The following INAVA variants were observed in gnomAD, a reference collection of about 807,000 sequenced individuals.
INAVA encodes the protein innate immunity activator protein.
In INAVA, 32 loss-of-function variants were observed where a neutral mutation model predicts 55.3. The observed-to-expected ratio is 0.58, with a 90% CI of 0.44 to 0.78. INAVA has a LOEUF of 0.78. Ranked by LOEUF, INAVA falls within the 30% of genes least tolerant of loss-of-function variation. The probability of loss-of-function intolerance (pLI) is 0.00; values close to 1 mark genes in which losing one functional copy is unlikely to be tolerated. For missense variants in INAVA, 756 were observed against 786.4 expected (o/e 0.96, Z 0.46); for synonymous variants, 294 against 329.4 (o/e 0.89, Z 1.16).
chr1:200,908,979 A>C, intron 7 of INAVA, 39 bp downstream of exon 7: 3 of 1,585,288 alleles, frequency 1.9e-6, no homozygotes, highest in South Asian at 2.3e-5. Context: ...AGGGCAGGGC[A>C]GGGAGTCGGT....
chr1:200,903,343 A>T (rs907092133), intron 5 of INAVA, among the ~76,000 whole-genome samples: 2 of 151,652 alleles, frequency 1.3e-5, no homozygotes, highest in Admixed American at 1.3e-4. Flanking sequence ...AATTAGCCAG[A>T]CATGGTGGTG....
At position 200,894,962 on chromosome 1, in the gene INAVA, C is replaced by G. The variant is rs1163215313; in HGVS notation, c.-220C>G. 1 of 985,618 alleles carries G rather than the reference C, an allele frequency of 1.0e-6. No homozygotes were observed. The highest frequency in any genetic ancestry group is 6.1e-5 in the Admixed American group (1 of 16,266). The allele number at this position is 985,618 out of a possible 1,614,324, so 61.1% of individuals were successfully genotyped here. Reference sequence around the variant, plus strand: ...CGAGACGGACGGACGGCCAGCAGCTCCGTCAGCTGGAGAGAGAGCACAGGC... The same window carrying G: ...CGAGACGGACGGACGGCCAGCAGCTGCGTCAGCTGGAGAGAGAGCACAGGC... On this transcript the variant is annotated 5_prime_UTR_variant, in exon 1 of 10. Coordinates refer to ENST00000413687, the MANE Select transcript of INAVA (RefSeq NM_001142569.3).
intron 5 of INAVA, among the ~76,000 whole-genome samples, chr1:200,901,963 C>T (rs1156841078): frequency 6.6e-6 from 1 of 152,144 alleles, no homozygotes; most frequent in East Asian, 1.9e-4. Flanking sequence ...TTGTCCTGAC[C>T]CAAGGCCAGC....
At chr1:200,892,979 T>C (rs1441983210), upstream of INAVA, among the ~76,000 whole-genome samples, 3 of 152,206 alleles carry the variant, frequency 2.0e-5, no homozygotes, top group Non-Finnish European at 4.4e-5. Flanking sequence ...CAGGGATTCT[T>C]AACTGGGTTC....
chr1:200,892,702 T>A (rs1019936359), upstream of INAVA, among the ~76,000 whole-genome samples: 1 of 152,170 alleles, frequency 6.6e-6, no homozygotes, highest in African/African-American at 2.4e-5. Flanking sequence ...CCAGCTGGCC[T>A]CTGGAGTGCC....
chr1:200,894,659 G>A (rs1668302541), upstream of INAVA, among the ~76,000 whole-genome samples: 1 of 152,150 alleles, frequency 6.6e-6, no homozygotes, highest in Admixed American at 6.5e-5. Context: ...GTACCTCACA[G>A]CTCAGAATGT....
At chr1:200,909,089 T>G in intron 7 of INAVA, 135 bp from the exon 8 acceptor site, 1 of 1,300,662 alleles carries the variant, frequency 7.7e-7, no homozygotes, top group Non-Finnish European at 1.0e-6. Context: ...TGAGCCTTGA[T>G]AGTTCCCCAA....
upstream of INAVA, among the ~76,000 whole-genome samples, chr1:200,892,349 G>A (rs1668254088): frequency 6.6e-6 from 1 of 152,134 alleles, no homozygotes; most frequent in Admixed American, 6.6e-5. Flanking sequence ...ATGGTAGGAC[G>A]AGGCCCTTGC....
chr1:200,901,202 C>A (rs1265290750), intron 5 of INAVA, 43 bp downstream of exon 5: 1 of 1,443,650 alleles, frequency 6.9e-7, no homozygotes, highest in Non-Finnish European at 9.1e-7. Flanking sequence ...CTTAAATGAG[C>A]TTTTGAGGGA....
At chr1:200,899,398 TA>T (rs1558228337) in intron 2 of INAVA, 74 bp from the exon 3 acceptor site, 10 of 1,595,344 alleles carry the variant, frequency 6.3e-6, no homozygotes, top group Admixed American at 1.7e-5. Flanking sequence ...TGCATTCCCC[TA>T]GGGGTGGTCA....
rs1342907290 is a variant in INAVA, at chr1:200,899,530, A to T, written c.113A>T (p.Gln38Leu). 2 of 1,613,960 alleles carry T rather than the reference A, an allele frequency of 1.2e-6. No individual in the cohort carries two copies. Among genetic ancestry groups the T allele is most frequent in the East Asian group, 2.2e-5 (1 of 44,852 alleles). Residue 38 changes from glutamine (Q) to leucine (L), a missense_variant, in exon 3 of 10, where the codon CAG becomes CTG. This residue lies in a region of INAVA where 639 missense variants were observed against 624.3 expected (regional missense o/e 1.02). Transcript: ENST00000413687. ...KELTHAVHKQ[Q>L]RALEARLEAC... is the part of the protein sequence containing the mutation. Reference sequence around the variant, plus strand: ...CTGACCCATGCAGTGCACAAGCAGCAGAGGGCCCTGGAAGCGAGGCTGGAG... The same window carrying T: ...CTGACCCATGCAGTGCACAAGCAGCTGAGGGCCCTGGAAGCGAGGCTGGAG...
Position 200,901,050 on chromosome 1 carries a change from G to A in INAVA, c.411G>A (p.Lys137=). The A allele has an allele frequency of 6.5e-7, 1 of 1,546,066 alleles. No homozygotes were observed. The highest frequency in any genetic ancestry group is 8.7e-7 in the Non-Finnish European group (1 of 1,146,550). ...NLSRQARRQR[K]HSMLQEEKKL... ...GCAGGCAGGCTCGGCGGCAGCGGAA[G>A]CACTCCATGCTGCAGGAGGAGAAGA... is the stretch of plus-strand genomic sequence containing the variant. The change falls in exon 5 of 10, where the codon AAG becomes AAA. Residue 137 remains lysine (K), a synonymous_variant. Coordinates refer to ENST00000413687, the MANE Select transcript of INAVA (RefSeq NM_001142569.3).
chr1:200,895,096 G>T lies in INAVA; in HGVS notation c.-95+9G>T. On this transcript the variant is annotated intron_variant, in intron 1 of 9. Coordinates refer to ENST00000413687, the MANE Select transcript of INAVA (RefSeq NM_001142569.3). ...CTAAAGCCCAGAAGCAGGTGAGGGCGGGGGAGGTGGAATGGGTCTTTGGGG... is the reference window on the plus strand; with the variant it reads ...CTAAAGCCCAGAAGCAGGTGAGGGCTGGGGAGGTGGAATGGGTCTTTGGGG... 2.0e-6 allele frequency: 2 copies of T among 985,656 alleles called. No homozygotes were observed. The highest frequency in any genetic ancestry group is 3.5e-5 in the African/African-American group (2 of 57,344). The allele number at this position is 985,656 out of a possible 1,614,324, so 61.1% of individuals were successfully genotyped here.
chr1:200,894,364 C>G (rs563398213), upstream of INAVA, among the ~76,000 whole-genome samples: 1 of 152,290 alleles, frequency 6.6e-6, no homozygotes, highest in African/African-American at 2.4e-5. Flanking sequence ...TCCTCTCTCT[C>G]TAGGATTCTA....
chr1:200,900,198 A>T lies in INAVA; in HGVS notation c.275A>T (p.Asp92Val). Residue 92 changes from aspartate (D) to valine (V), a missense_variant, in exon 4 of 10, where the codon GAT becomes GTT. This residue lies in a region of INAVA where 639 missense variants were observed against 624.3 expected (regional missense o/e 1.02). Coordinates refer to ENST00000413687, the MANE Select transcript of INAVA (RefSeq NM_001142569.3). Reference sequence around the variant, plus strand: ...AGGATCGGAGCGGCTTACAAACTGGATGACTGGGCCTTGCACAGAGAGGTG... The same window carrying T: ...AGGATCGGAGCGGCTTACAAACTGGTTGACTGGGCCTTGCACAGAGAGGTG... ...RRRIGAAYKL[D>V]DWALHREDPL... 1 of 1,614,090 alleles carries T rather than the reference A, an allele frequency of 6.2e-7. No homozygotes were observed. Among genetic ancestry groups the T allele is most frequent in the Non-Finnish European group, 8.5e-7 (1 of 1,179,940 alleles).
Position 200,900,045 on chromosome 1 carries a change from C to T in INAVA, c.181-59C>T, listed in dbSNP as rs555900876. 462 of 1,426,572 alleles carry T rather than the reference C, an allele frequency of 3.2e-4. 1 individual carries two copies. The highest frequency in any genetic ancestry group is 4.2e-4 in the Non-Finnish European group (432 of 1,033,856). The allele number at this position is 1,426,572 out of a possible 1,614,324, so 88.4% of individuals were successfully genotyped here. A position where few individuals can be genotyped will look rare whatever the true frequency, so the allele number is the denominator to read the frequency against. On this transcript the variant is annotated intron_variant, in intron 3 of 9. Coordinates refer to ENST00000413687, the MANE Select transcript of INAVA (RefSeq NM_001142569.3). ...AAGGCAGGCACATGCAGTGCAGGGGCCAGTGAGCCAAGTCTGGGCAGGTGG... is the reference window on the plus strand; with the variant it reads ...AAGGCAGGCACATGCAGTGCAGGGGTCAGTGAGCCAAGTCTGGGCAGGTGG...
intron 7 of INAVA, 100 bp downstream of exon 7, chr1:200,909,040 G>A: frequency 7.3e-7 from 1 of 1,366,582 alleles, no homozygotes; most frequent in Non-Finnish European, 9.8e-7. Context: ...AAAGTGGAAA[G>A]GTGGAGGAGA....
intron 5 of INAVA, among the ~76,000 whole-genome samples, chr1:200,905,057 AGG>A (rs1653426219): frequency 6.6e-6 from 1 of 152,140 alleles, no homozygotes. Context: ...TTTATTCCTA[AGG>A]TTTTTATAAA....
chr1:200,910,975 G>A (rs1226281314), intron 8 of INAVA, among the ~76,000 whole-genome samples: 3 of 152,084 alleles, frequency 2.0e-5, no homozygotes, highest in African/African-American at 7.2e-5. Flanking sequence ...AGATGCTGTG[G>A]ATGATCTGCC....
Sources: gnomAD v4.1 joint callset for allele counts (sites outside exome capture counted in the v4.1 genomes callset) on GRCh38, gnomAD v4.1.1 for gene constraint, gnomAD v4.1.1 regional missense constraint, MANE v1.5 for transcripts, NCBI Gene and HGNC (gene_info 2026-07-23, HGNC 2026-07-21) for gene names.